The following SUFU variants were observed in gnomAD, a reference collection of about 807,000 sequenced individuals.
SUFU encodes suppressor of fused homolog.
SUFU carries 7 observed loss-of-function variants against 58.9 expected under a neutral mutation model. The observed-to-expected ratio is 0.12, with a 90% CI of 0.07 to 0.22. The LOEUF is 0.22. SUFU is among the 10% of genes least tolerant of loss of function. The pLI is 1.00. For synonymous variants in SUFU, 232 were observed against 254.8 expected, an observed-to-expected ratio of 0.91 and a Z score of 0.85; for missense variants, 451 against 641.3, an observed-to-expected ratio of 0.70 and a Z score of 3.20.
rs1216193400 is a variant in SUFU, at chr10:102,550,018, T to C, written c.366T>C (p.Phe122=). The change falls in exon 3 of 12, where the codon TTT becomes TTC. Residue 122 remains phenylalanine, a synonymous_variant. Coordinates refer to ENST00000369902, the MANE Select transcript of SUFU (RefSeq NM_016169.4). ...GTGGTTTTGGCTTTGAGTTGACCTT[T>C]CGTCTGAAGAGAGAAACTGGGGAGT... ...GPSGFGFELT[F]RLKRETGESA... is the part of the protein sequence containing the mutation. The C allele has an allele frequency of 6.2e-7, 1 of 1,614,072 alleles. No homozygotes were observed. Among genetic ancestry groups the C allele is most frequent in the Non-Finnish European group, 8.5e-7 (1 of 1,180,050 alleles).
chr10:102,568,939 T>TATATATATATATATACACAC (rs2063131060), intron 3 of SUFU, among the ~76,000 whole-genome samples: 1 of 43,762 alleles, frequency 2.3e-5, no homozygotes, highest in African/African-American at 8.3e-5. Context: ...TATATATATA[T>TATATATATATATATACACAC]ATATATATAT....
chr10:102,576,057 G>A (rs2063209185), intron 3 of SUFU, among the ~76,000 whole-genome samples: 1 of 151,292 alleles, frequency 6.6e-6, no homozygotes, highest in Non-Finnish European at 1.5e-5. Context: ...TGTTGTCCAG[G>A]CTGGTCTTGA....
intron 5 of SUFU, 84 bp downstream of exon 5, chr10:102,593,805 C>T: frequency 1.4e-6 from 2 of 1,478,954 alleles, no homozygotes; most frequent in South Asian, 1.1e-5. Context: ...GGGGCTCCCT[C>T]TTGCGTTGTT....
At chr10:102,530,794 G>A (rs1176961420) in intron 2 of SUFU, among the ~76,000 whole-genome samples, 3 of 151,976 alleles carry the variant, frequency 2.0e-5, no homozygotes, top group African/African-American at 7.2e-5. Context: ...CCAAATATGG[G>A]AAGGAAACGA....
Position 102,504,003 on chromosome 10 carries a change from AGTGCGCCGTGC to A in SUFU, c.-148_-138del, listed in dbSNP as rs2062284843. On this transcript the variant is annotated 5_prime_UTR_variant, in exon 1 of 12. Transcript: ENST00000369902. ...GGCGGCGGCGACAGCCTGGGCGGACAGTGCGCCGTGCGCAGGCGCGGAGCTAGACCTCGCTG... is the reference window on the plus strand; with the variant it reads ...GGCGGCGGCGACAGCCTGGGCGGACAGCAGGCGCGGAGCTAGACCTCGCTG... The A allele has an allele frequency of 1.8e-6, 2 of 1,130,670 alleles. No individual in the cohort carries two copies. The highest frequency in any genetic ancestry group is 7.6e-5 in the Admixed American group (2 of 26,414). The allele number at this position is 1,130,670 out of a possible 1,614,324, so 70.0% of individuals were successfully genotyped here. A position where few individuals can be genotyped will look rare whatever the true frequency, so the allele number is the denominator to read the frequency against.
At chr10:102,564,614 T>C (rs552615315) in intron 3 of SUFU, among the ~76,000 whole-genome samples, 1 of 152,234 alleles carries the variant, frequency 6.6e-6, no homozygotes, top group African/African-American at 2.4e-5. Context: ...GTTACAAGCA[T>C]GAGCCGTCGC....
chr10:102,511,287 C>T (rs1299505712), intron 2 of SUFU, among the ~76,000 whole-genome samples: 2 of 151,994 alleles, frequency 1.3e-5, no homozygotes, highest in African/African-American at 4.8e-5. Context: ...TTCCCTCAAC[C>T]TCATTAGCAT....
At chr10:102,533,897 A>G (rs1487879789) in intron 2 of SUFU, among the ~76,000 whole-genome samples, 1 of 151,820 alleles carries the variant, frequency 6.6e-6, no homozygotes, top group Non-Finnish European at 1.5e-5. Context: ...ATTAGGGAAC[A>G]TTTATTCAGG....
Position 102,632,783 on chromosome 10 carries a change from G to A in SUFU, c.*2628G>A. On this transcript the variant is annotated 3_prime_UTR_variant, in exon 12 of 12. Coordinates refer to ENST00000369902, the MANE Select transcript of SUFU (RefSeq NM_016169.4). Reference sequence around the variant, plus strand: ...TCCCTGGTGCTAGAGCTTCTGAGAAGGGCCTTTCCCTTTCCTCTTTGCCTG... The same window carrying A: ...TCCCTGGTGCTAGAGCTTCTGAGAAAGGCCTTTCCCTTTCCTCTTTGCCTG... 8.6e-6 allele frequency: 2 copies of A among 233,378 alleles called. No homozygotes were observed. Among genetic ancestry groups the A allele is most frequent in the East Asian group, 1.2e-4 (2 of 16,588 alleles). 14.5% of individuals were successfully genotyped at this position (233,378 alleles called of 1,614,324 possible). A position where few individuals can be genotyped will look rare whatever the true frequency, so the allele number is the denominator to read the frequency against.
chr10:102,530,856 T>C (rs1279936333), intron 2 of SUFU, among the ~76,000 whole-genome samples: 3 of 152,130 alleles, frequency 2.0e-5, no homozygotes, highest in Admixed American at 6.6e-5. Context: ...AGCAACCTTA[T>C]GTCCAACAAG....
intron 2 of SUFU, 117 bp downstream of exon 2, chr10:102,509,420 C>G: frequency 6.9e-7 from 1 of 1,438,966 alleles, no homozygotes; most frequent in Non-Finnish European, 9.7e-7. Context: ...CTCTGCATTT[C>G]TGCCCTCTGA....
chr10:102,520,212 CTTTTTTT>C (rs36020604), intron 2 of SUFU, among the ~76,000 whole-genome samples: 1 of 113,550 alleles, frequency 8.8e-6, no homozygotes, highest in Non-Finnish European at 1.8e-5. Flanking sequence ...TTTTTTCTTT[CTTTTTTT>C]TTTTTTTTTT....
chr10:102,519,370 C>T (rs1434698887), intron 2 of SUFU, among the ~76,000 whole-genome samples: 6 of 150,790 alleles, frequency 4.0e-5, no homozygotes, highest in Non-Finnish European at 5.9e-5. Context: ...TAAAAAAAAC[C>T]ACGAAAATTA....
chr10:102,542,939 C>T (rs932582108), intron 2 of SUFU, among the ~76,000 whole-genome samples: 15 of 152,134 alleles, frequency 9.9e-5, no homozygotes, highest in African/African-American at 3.1e-4. Flanking sequence ...TTGCTTTTTT[C>T]GCCTAACAGT....
chr10:102,590,497 G>A (rs2063388194), intron 3 of SUFU, among the ~76,000 whole-genome samples: 1 of 151,984 alleles, frequency 6.6e-6, no homozygotes, highest in South Asian at 2.1e-4. Context: ...GCTGGGTTCT[G>A]TTTGCTGGTA....
intron 2 of SUFU, among the ~76,000 whole-genome samples, chr10:102,548,194 G>C (rs376150505): frequency 3.3e-5 from 5 of 151,958 alleles, no homozygotes; most frequent in Non-Finnish European, 5.9e-5. Flanking sequence ...GAGATAGATA[G>C]ATAGATACAT....
At chr10:102,507,938 C>T (rs1358725575) in intron 1 of SUFU, among the ~76,000 whole-genome samples, 1 of 147,794 alleles carries the variant, frequency 6.8e-6, no homozygotes, top group Admixed American at 6.7e-5. Flanking sequence ...GTCTATTTCT[C>T]TAGCTACCAA....
At chr10:102,530,164 G>A (rs2062660202) in intron 2 of SUFU, among the ~76,000 whole-genome samples, 2 of 152,090 alleles carry the variant, frequency 1.3e-5, no homozygotes, top group Non-Finnish European at 2.9e-5. Context: ...GGGCTCAGTT[G>A]CTTCCACAGC....
chr10:102,518,986 A>G (rs903751558), intron 2 of SUFU, among the ~76,000 whole-genome samples: 4 of 151,558 alleles, frequency 2.6e-5, no homozygotes, highest in Non-Finnish European at 5.9e-5. Context: ...AAAAAAATAG[A>G]AAAAATTAGC....
Sources: gnomAD v4.1 joint callset for allele counts (sites outside exome capture counted in the v4.1 genomes callset) on GRCh38, gnomAD v4.1.1 for gene constraint, MANE v1.5 for transcripts, NCBI Gene and HGNC (gene_info 2026-07-23, HGNC 2026-07-21) for gene names.